The following INTS6 variants were observed in gnomAD, a reference collection of about 807,000 sequenced individuals.
INTS6 encodes integrator complex subunit 6.
INTS6 carries 16 observed loss-of-function variants against 104.9 expected under a neutral mutation model. The observed-to-expected ratio is 0.15, with a 90% CI of 0.10 to 0.23. The LOEUF is 0.23. INTS6 is among the 10% of genes least tolerant of loss of function. INTS6 has a pLI of 1.00. For missense variants in INTS6, 584 were observed against 1,062.8 expected (o/e 0.55, Z 6.26); for synonymous variants, 324 against 358.7 (o/e 0.90, Z 1.09).
At chr13:51,406,642 C>A (rs1006935596) in intron 4 of INTS6, among the ~76,000 whole-genome samples, 1 of 152,146 alleles carries the variant, frequency 6.6e-6, no homozygotes, top group Admixed American at 6.5e-5. Context: ...TCCTCCACCC[C>A]CTACCTCTAA....
At chr13:51,413,850 C>T (rs1054589573) in intron 4 of INTS6, among the ~76,000 whole-genome samples, 1 of 152,140 alleles carries the variant, frequency 6.6e-6, no homozygotes, top group Non-Finnish European at 1.5e-5. Flanking sequence ...AAGCTCAGAA[C>T]AAGCTGTCAC....
At chr13:51,381,304 C>T (rs1224134754) in intron 10 of INTS6, among the ~76,000 whole-genome samples, 1 of 152,166 alleles carries the variant, frequency 6.6e-6, no homozygotes, top group Admixed American at 6.5e-5. Context: ...GTACAACACT[C>T]GAGGTTAAAA....
At chr13:51,375,476 T>TTA (rs1555283782) in intron 13 of INTS6, among the ~76,000 whole-genome samples, 2 of 146,412 alleles carry the variant, frequency 1.4e-5, no homozygotes, top group South Asian at 2.1e-4. Flanking sequence ...TACAGTATGG[T>TTA]AAAAAAAAAA....
At position 51,452,819 on chromosome 13, in the gene INTS6, G is replaced by T; in HGVS notation, c.-294C>A. Reference sequence around the variant, plus strand: ...CTGTCGGTTCGTCCCCCCCGCCTCGGGGGTCCCGTCCCCGCTCCCGGCCCC... The same window carrying T: ...CTGTCGGTTCGTCCCCCCCGCCTCGTGGGTCCCGTCCCCGCTCCCGGCCCC... On this transcript the variant is annotated 5_prime_UTR_variant, in exon 1 of 18. Coordinates refer to ENST00000311234, the MANE Select transcript of INTS6 (RefSeq NM_012141.3). The surrounding 1 kb of genome is among the most constrained non-coding windows in gnomAD (Gnocchi z 4.2). The T allele has an allele frequency of 8.5e-7, 1 of 1,174,918 alleles. No homozygotes were observed. The highest frequency in any genetic ancestry group is 1.1e-6 in the Non-Finnish European group (1 of 943,696). The allele number at this position is 1,174,918 out of a possible 1,614,324, so 72.8% of individuals were successfully genotyped here.
chr13:51,352,490 G>GTGT (rs1955415046), downstream of INTS6, among the ~76,000 whole-genome samples: 2 of 151,470 alleles, frequency 1.3e-5, no homozygotes, highest in Non-Finnish European at 2.9e-5. Flanking sequence ...TGTGTGTGTG[G>GTGT]ATTCTTTAGG....
intron 12 of INTS6, 36 bp downstream of exon 12, chr13:51,378,203 A>G: frequency 7.0e-7 from 1 of 1,433,692 alleles, no homozygotes; most frequent in South Asian, 1.1e-5. Flanking sequence ...ACATAACAGA[A>G]CATAACTAGA....
In INTS6 at chr13:51,378,502, A is replaced by C. The variant is rs777226230; in HGVS notation, c.1387-48T>G. The C allele has an allele frequency of 4.1e-6, 5 of 1,220,372 alleles. No individual in the cohort carries two copies. The South Asian group carries it at 5.2e-5, about 13-fold the overall frequency. 75.6% of individuals were successfully genotyped at this position (1,220,372 alleles called of 1,614,324 possible). ...TTATCTTGATAAAATCTAAATTAATAAATCAGATACTAATGGTTATGATCT... is the reference window on the plus strand; with the variant it reads ...TTATCTTGATAAAATCTAAATTAATCAATCAGATACTAATGGTTATGATCT... On this transcript the variant is annotated intron_variant, in intron 11 of 17. Transcript: ENST00000311234.
In INTS6 at chr13:51,430,391, C is replaced by CA. The variant is rs755362607; in HGVS notation, c.340-9dup. 15 of 1,595,626 alleles carry CA rather than the reference C, an allele frequency of 9.4e-6. No individual in the cohort carries two copies. Among genetic ancestry groups the CA allele is most frequent in the Middle Eastern group, 1.7e-4 (1 of 5,954 alleles). On this transcript the variant is annotated splice_polypyrimidine_tract_variant and intron_variant, in intron 3 of 17. Coordinates refer to ENST00000311234, the MANE Select transcript of INTS6 (RefSeq NM_012141.3). ...GAAAAAAGGGTTTCTTCCCTAAAGTCAAAAAACACATTGATCATACAAAGA... is the reference window on the plus strand; with the variant it reads ...GAAAAAAGGGTTTCTTCCCTAAAGTCAAAAAAACACATTGATCATACAAAGA...
At position 51,387,473 on chromosome 13, in the gene INTS6, A is replaced by G. The variant is rs779728636; in HGVS notation, c.807T>C (p.Tyr269=). The change falls in exon 7 of 18, where the codon TAT becomes TAC. Residue 269 remains tyrosine (Y), a synonymous_variant. Transcript: ENST00000311234. ...CCCCAGTTTTAGGATTTGGTCTGACATATATGAGTTTGTGACAGCTATGCC... is the reference window on the plus strand; with the variant it reads ...CCCCAGTTTTAGGATTTGGTCTGACGTATATGAGTTTGTGACAGCTATGCC... ...QPWHSCHKLI[Y]VRPNPKTGVP... The G allele has an allele frequency of 6.2e-7, 1 of 1,613,952 alleles. No individual in the cohort carries two copies. Among genetic ancestry groups the G allele is most frequent in the South Asian group, 1.1e-5 (1 of 91,072 alleles).
chr13:51,447,381 A>G (rs1247103020), intron 3 of INTS6: 1 of 152,220 alleles, frequency 6.6e-6, no homozygotes, highest in Non-Finnish European at 1.5e-5. Context: ...TTATCTCCTA[A>G]GTTTACAAAA....
In INTS6 at chr13:51,387,524, T is replaced by A. The variant is rs369897124; in HGVS notation, c.756A>T (p.Ile252=). 7 of 1,609,360 alleles carry A rather than the reference T, an allele frequency of 4.3e-6. No homozygotes were observed. The highest frequency in any genetic ancestry group is 5.1e-6 in the Non-Finnish European group (6 of 1,177,330). The change falls in exon 7 of 18, where the codon ATA becomes ATT. Residue 252 remains isoleucine (I), a synonymous_variant. Coordinates refer to ENST00000311234, the MANE Select transcript of INTS6 (RefSeq NM_012141.3). The stretch of plus-strand genomic sequence containing the variant: ...AAGGCTGAGATCCAAAAGGCCTTGA[T>A]ATATCTGGCTGCCCATCTATAGCAA... ...PSPVEDGQPD[I]SRPFGSQPWH... is the part of the protein sequence containing the mutation.
chr13:51,449,524 T>G (rs1952991361), intron 3 of INTS6: 2 of 985,260 alleles, frequency 2.0e-6, no homozygotes, highest in African/African-American at 3.5e-5. Flanking sequence ...GGTGAATATG[T>G]CCAAATGCCT....
At chr13:51,409,109 A>G (rs1956633575) in intron 4 of INTS6, among the ~76,000 whole-genome samples, 1 of 151,994 alleles carries the variant, frequency 6.6e-6, no homozygotes, top group South Asian at 2.1e-4. Flanking sequence ...CATCAGGGTC[A>G]TATTTTATAA....
chr13:51,416,465 T>C (rs79531163), intron 4 of INTS6, among the ~76,000 whole-genome samples: 1,734 of 152,352 alleles, frequency 0.011, 26 homozygotes, highest in East Asian at 0.071. Context: ...AGACACTTCA[T>C]ATAAATGGAA....
At position 51,451,005 on chromosome 13, in the gene INTS6, C is replaced by A; in HGVS notation, c.339+20G>T. The A allele has an allele frequency of 6.8e-7, 1 of 1,473,498 alleles. No individual in the cohort carries two copies. The highest frequency in any genetic ancestry group is 9.0e-7 in the Non-Finnish European group (1 of 1,109,316). 91.3% of individuals were successfully genotyped at this position (1,473,498 alleles called of 1,614,324 possible). A position where few individuals can be genotyped will look rare whatever the true frequency, so the allele number is the denominator to read the frequency against. ...CAAAATGAAAAATCAACTATTTTGCCACCTTATTATTCAACCTACCTGCCC... is the reference window on the plus strand; with the variant it reads ...CAAAATGAAAAATCAACTATTTTGCAACCTTATTATTCAACCTACCTGCCC... On this transcript the variant is annotated intron_variant, in intron 3 of 17. Coordinates refer to ENST00000311234, the MANE Select transcript of INTS6 (RefSeq NM_012141.3).
chr13:51,408,223 A>G (rs1029308369), intron 4 of INTS6, among the ~76,000 whole-genome samples: 4 of 149,886 alleles, frequency 2.7e-5, no homozygotes, highest in Middle Eastern at 3.4e-3. Flanking sequence ...GACTCACTGC[A>G]ACCTCTGCCT....
Position 51,452,166 on chromosome 13 carries a change from C to T in INTS6, c.112-111G>A. 1 of 1,002,348 alleles carries T rather than the reference C, an allele frequency of 1.0e-6. No homozygotes were observed. Among genetic ancestry groups the T allele is most frequent in the East Asian group, 2.6e-5 (1 of 38,258 alleles). 62.1% of individuals were successfully genotyped at this position (1,002,348 alleles called of 1,614,324 possible). The stretch of plus-strand genomic sequence containing the variant: ...CGCCGCCCCCACAGTACCGCACACG[C>T]AGCGGCCACCCCTCCACGCCGTCCC... On this transcript the variant is annotated intron_variant, in intron 1 of 17. Transcript: ENST00000311234. This position sits in a 1 kb window ranked among gnomAD's most constrained non-coding sequence, Gnocchi z 4.2.
chr13:51,347,550 T>C, the INTS6 span, among the ~76,000 whole-genome samples: 2 of 152,188 alleles, frequency 1.3e-5, no homozygotes, highest in African/African-American at 4.8e-5. Context: ...TAGGCCGGGA[T>C]TGAATGGCTG....
At chr13:51,352,689 C>T (rs924423346), downstream of INTS6, among the ~76,000 whole-genome samples, 7 of 151,996 alleles carry the variant, frequency 4.6e-5, no homozygotes, top group African/African-American at 1.4e-4. Flanking sequence ...AGTTTTCAGT[C>T]TTTTACTGTA....
Sources: allele counts gnomAD v4.1 joint callset (sites outside exome capture counted in the v4.1 genomes callset), GRCh38; gene constraint gnomAD v4.1.1; non-coding constraint Gnocchi (gnomAD v3.1); transcripts MANE v1.5; gene names NCBI Gene and HGNC (gene_info 2026-07-23, HGNC 2026-07-21).